The following ARRB1 variants were observed in gnomAD, a reference collection of about 807,000 sequenced individuals.
ARRB1 encodes beta-arrestin-1.
Under a neutral mutation model 56.8 loss-of-function variants are expected in ARRB1, and 21 were observed. The observed-to-expected ratio is 0.37, with a 90% CI of 0.26 to 0.53. ARRB1 has a LOEUF of 0.53. Among genes scored for constraint, ARRB1 ranks in the 20% least tolerant of loss-of-function variants. ARRB1 has a pLI of 0.88. For missense variants in ARRB1, 424 were observed against 553.7 expected (o/e 0.77, Z 2.35); for synonymous variants, 210 against 218.6 (o/e 0.96, Z 0.35).
At chr11:75,266,986 A>C (rs2140392087) in intron 15 of ARRB1, among the ~76,000 whole-genome samples, 1 of 152,262 alleles carries the variant, frequency 6.6e-6, no homozygotes, top group African/African-American at 2.4e-5. Flanking sequence ...AAACATGTCC[A>C]TTTAGGACCA....
At chr11:75,333,786 G>A (rs1339073875) in intron 1 of ARRB1, among the ~76,000 whole-genome samples, 5 of 152,154 alleles carry the variant, frequency 3.3e-5, no homozygotes, top group South Asian at 2.1e-4. Context: ...TTTGTTCTTC[G>A]AAGCCCTCCC....
intron 1 of ARRB1, among the ~76,000 whole-genome samples, chr11:75,340,223 T>C (rs1041714698): frequency 4.6e-5 from 7 of 152,262 alleles, no homozygotes; most frequent in African/African-American, 1.7e-4. Flanking sequence ...ACGAGGCCTG[T>C]TTCCTCTAAT....
intron 1 of ARRB1, among the ~76,000 whole-genome samples, chr11:75,297,864 C>A (rs1248377774): frequency 5.5e-4 from 16 of 29,268 alleles, no homozygotes; most frequent in East Asian, 1.2e-3. Context: ...GACTTTGTCT[C>A]AAAAAAAAAA....
At chr11:75,288,382 C>G (rs966040846) in intron 2 of ARRB1, among the ~76,000 whole-genome samples, 17 of 152,188 alleles carry the variant, frequency 1.1e-4, no homozygotes, top group African/African-American at 4.1e-4. Flanking sequence ...GGAAAAACCC[C>G]CGAGACAGAA....
intron 1 of ARRB1, among the ~76,000 whole-genome samples, chr11:75,319,660 C>A (rs1947314861): frequency 6.6e-6 from 1 of 152,204 alleles, no homozygotes; most frequent in African/African-American, 2.4e-5. Context: ...CTGCCCCAGG[C>A]ACAGTGCAAG....
At chr11:75,295,375 C>T (rs538081058) in intron 1 of ARRB1, among the ~76,000 whole-genome samples, 1 of 152,230 alleles carries the variant, frequency 6.6e-6, no homozygotes, top group East Asian at 1.9e-4. Flanking sequence ...AATCTGTTTC[C>T]CAGCCCTTCC....
In ARRB1 at chr11:75,280,023, A is replaced by T. The variant is rs528656174; in HGVS notation, c.482+1052T>A. Among the ~76,000 whole-genome samples, 89 of 152,294 alleles carry T rather than the reference A, an allele frequency of 5.8e-4. 2 individuals carry two copies. The highest frequency in any genetic ancestry group is 2.1e-3 in the African/African-American group (87 of 41,568). ...ATTAAATTAGTTCATACAGCCCAGC[A>T]CTGTAAATGGTGTCTGGCACCTAAT... On this transcript the variant is annotated intron_variant, in intron 7 of 15. Coordinates refer to ENST00000420843, the MANE Select transcript of ARRB1 (RefSeq NM_004041.5).
chr11:75,274,014 G>T, intron 11 of ARRB1, 60 bp downstream of exon 11: 1 of 1,609,946 alleles, frequency 6.2e-7, no homozygotes, highest in Middle Eastern at 1.7e-4. Context: ...GACCAAGGAG[G>T]GTGTGGCCCC....
intron 1 of ARRB1, among the ~76,000 whole-genome samples, chr11:75,348,192 G>A (rs1947800886): frequency 6.6e-6 from 1 of 152,262 alleles, no homozygotes; most frequent in South Asian, 2.1e-4. Flanking sequence ...CAGGCCCCAG[G>A]CTGCACGCCT....
intron 2 of ARRB1, among the ~76,000 whole-genome samples, chr11:75,289,051 A>G (rs1946546730): frequency 6.6e-6 from 1 of 152,124 alleles, no homozygotes; most frequent in Non-Finnish European, 1.5e-5. Context: ...CTGGGCTGAG[A>G]AGGAATCTAA....
chr11:75,299,966 G>A lies in ARRB1; in HGVS notation c.21-9927C>T, dbSNP rs550810033. 1.8e-4 allele frequency among the ~76,000 whole-genome samples: 28 copies of A among 152,262 alleles called. 1 individual carries two copies. In the South Asian group the frequency reaches 5.8e-3, roughly 32 times the overall value. Reference sequence around the variant, plus strand: ...TGACGCCTGTAATCCCAGCACTTTAGGAGGCCGAGGGGGGCAGATCACGAG... The same window carrying A: ...TGACGCCTGTAATCCCAGCACTTTAAGAGGCCGAGGGGGGCAGATCACGAG... On this transcript the variant is annotated intron_variant, in intron 1 of 15. Transcript: ENST00000420843.
chr11:75,272,698 G>C (rs1946097776), intron 12 of ARRB1, 197 bp downstream of exon 12: 1 of 583,518 alleles, frequency 1.7e-6, no homozygotes, highest in Non-Finnish European at 3.1e-6. Context: ...GGGGCTGAGG[G>C]CCAAGGAAGG....
chr11:75,320,644 G>A (rs566539082), intron 1 of ARRB1, among the ~76,000 whole-genome samples: 3 of 152,240 alleles, frequency 2.0e-5, no homozygotes, highest in Admixed American at 1.3e-4. Flanking sequence ...TTCCTCCTTC[G>A]AGACCCCACT....
At chr11:75,266,684 T>C (rs888584771) in intron 15 of ARRB1, among the ~76,000 whole-genome samples, 4 of 152,028 alleles carry the variant, frequency 2.6e-5, no homozygotes, top group Non-Finnish European at 4.4e-5. Context: ...CCCCCAAGAA[T>C]AGGCCCGGCA....
chr11:75,311,421 G>A (rs1947154865), intron 1 of ARRB1, among the ~76,000 whole-genome samples: 1 of 152,208 alleles, frequency 6.6e-6, no homozygotes, highest in Non-Finnish European at 1.5e-5. Flanking sequence ...ATGGGCAGGG[G>A]GCTGTTGAGA....
intron 1 of ARRB1, among the ~76,000 whole-genome samples, chr11:75,292,201 G>A (rs1354793658): frequency 3.3e-5 from 5 of 151,966 alleles, no homozygotes; most frequent in South Asian, 2.1e-4. Context: ...GTGCAGTGGC[G>A]TGATCTCAGC....
chr11:75,338,764 C>A (rs549374540), intron 1 of ARRB1, among the ~76,000 whole-genome samples: 1 of 152,254 alleles, frequency 6.6e-6, no homozygotes, highest in Admixed American at 6.5e-5. Context: ...GATGTGTAAT[C>A]ATTTTTGTCA....
intron 1 of ARRB1, among the ~76,000 whole-genome samples, chr11:75,345,093 G>T (rs550162512): frequency 1.6e-4 from 24 of 152,156 alleles, no homozygotes; most frequent in Non-Finnish European, 2.9e-4. Context: ...GCCAGGTGCC[G>T]CCCAGCCCCA....
intron 1 of ARRB1, among the ~76,000 whole-genome samples, chr11:75,341,330 G>A (rs1440596687): frequency 6.6e-6 from 1 of 151,934 alleles, no homozygotes. Context: ...TAGAGACGAG[G>A]TTTCACCATG....
Sources: allele counts gnomAD v4.1 joint callset (sites outside exome capture counted in the v4.1 genomes callset), GRCh38; gene constraint gnomAD v4.1.1; transcripts MANE v1.5; gene names NCBI Gene and HGNC (gene_info 2026-07-23, HGNC 2026-07-21).